MYZAP: variants seen among roughly 807,000 people sequenced by gnomAD.
The protein encoded by MYZAP is GRINL1A complex locus upstream.
A neutral mutation model predicts 69.4 loss-of-function variants in MYZAP; 66 were observed. The observed-to-expected ratio is 0.95, with a 90% CI of 0.78 to 1.17. The LOEUF (loss-of-function observed/expected upper bound fraction) is 1.17, where lower values mean the gene tolerates loss of function less well. Among genes scored for constraint, MYZAP ranks in the 50% most tolerant of loss-of-function variants. The pLI, the probability that MYZAP is intolerant of heterozygous loss-of-function variation, is 0.00. For synonymous variants in MYZAP, 256 were observed against 205.9 expected (o/e 1.24, Z -2.09); for missense variants, 611 against 556.2 (o/e 1.10, Z -0.99).
chr15:57,679,002 C>T (rs1361899793), intron 12 of MYZAP, among the ~76,000 whole-genome samples: 1 of 152,022 alleles, frequency 6.6e-6, no homozygotes, highest in Non-Finnish European at 1.5e-5. Flanking sequence ...CATGGAGAAA[C>T]CCCGTCTCTA....
At chr15:57,645,768 G>C (rs979848172) in intron 10 of MYZAP, among the ~76,000 whole-genome samples, 3 of 152,160 alleles carry the variant, frequency 2.0e-5, no homozygotes, top group Non-Finnish European at 2.9e-5. Context: ...TGGGAGTCTT[G>C]TTGGCCACAT....
At chr15:57,651,447 T>C (rs564386154) in intron 10 of MYZAP, among the ~76,000 whole-genome samples, 62 of 152,284 alleles carry the variant, frequency 4.1e-4, no homozygotes, top group African/African-American at 1.4e-3. Flanking sequence ...AGCAGATCCT[T>C]TGTGACAGAA....
At chr15:57,659,472 T>C (rs1195507442) in intron 10 of MYZAP, among the ~76,000 whole-genome samples, 4 of 152,368 alleles carry the variant, frequency 2.6e-5, no homozygotes, top group African/African-American at 9.6e-5. Context: ...TTTACTTCTT[T>C]GATTTCACAC....
intron 8 of MYZAP, among the ~76,000 whole-genome samples, chr15:57,637,163 A>G (rs1029523881): frequency 1.3e-5 from 2 of 152,206 alleles, no homozygotes; most frequent in Non-Finnish European, 2.9e-5. Flanking sequence ...ACTTAATCAC[A>G]TCTGCAGAAT....
chr15:57,639,238 G>A (rs551146656), intron 9 of MYZAP, among the ~76,000 whole-genome samples: 2 of 150,868 alleles, frequency 1.3e-5, no homozygotes, highest in Non-Finnish European at 2.9e-5. Flanking sequence ...TGGAGATGAG[G>A]GTCTCAGCAT....
chr15:57,662,397 G>A (rs2038356128), intron 11 of MYZAP, among the ~76,000 whole-genome samples: 1 of 152,194 alleles, frequency 6.6e-6, no homozygotes, highest in African/African-American at 2.4e-5. Flanking sequence ...ATTAAGCCCT[G>A]CTGTGTGTTG....
chr15:57,599,619 G>T (rs2034285486), intron 1 of MYZAP: 3 of 1,289,170 alleles, frequency 2.3e-6, no homozygotes, highest in Non-Finnish European at 2.0e-6. Flanking sequence ...TGCCTTTCAG[G>T]CACTGCCAAG....
Position 57,621,715 on chromosome 15 carries a change from C to G in MYZAP, c.411+15C>G, listed in dbSNP as rs755271606. ...AGGAACTATCAGTAAGTCATTATCT[C>G]AGTTGCTTGGAGATAGGGAGGCATG... is the stretch of plus-strand genomic sequence containing the variant. On this transcript the variant is annotated intron_variant, in intron 4 of 12. Transcript: ENST00000267853. 9 of 1,612,746 alleles carry G rather than the reference C, an allele frequency of 5.6e-6. No individual in the cohort carries two copies. In the Admixed American group the frequency reaches 1.5e-4, roughly 27 times the overall value.
chr15:57,623,963 G>T (rs1477360879), intron 4 of MYZAP, among the ~76,000 whole-genome samples: 1 of 152,162 alleles, frequency 6.6e-6, no homozygotes, highest in East Asian at 1.9e-4. Context: ...TGTTCTGTGT[G>T]TGCACAAAAA....
chr15:57,647,768 T>C (rs1390391708), intron 10 of MYZAP: 2 of 985,438 alleles, frequency 2.0e-6, no homozygotes, highest in South Asian at 4.7e-5. Context: ...AGGCTCATTG[T>C]TGATCTTCTT....
intron 11 of MYZAP, among the ~76,000 whole-genome samples, chr15:57,674,337 G>GA (rs1164842545): frequency 3.3e-5 from 5 of 151,982 alleles, no homozygotes; most frequent in Admixed American, 6.5e-5. Context: ...TGGCCCGAAA[G>GA]AAAAAAAACT....
Position 57,591,910 on chromosome 15 carries a change from G to A in MYZAP, c.-125G>A, listed in dbSNP as rs1215591430. On this transcript the variant is annotated 5_prime_UTR_variant, in exon 1 of 13. Transcript: ENST00000267853. Reference sequence around the variant, plus strand: ...CCCGGCCCCACCCCCGGGCCTTCGCGGTGCAGCTGAGGCTGCAAGTAGCCG... The same window carrying A: ...CCCGGCCCCACCCCCGGGCCTTCGCAGTGCAGCTGAGGCTGCAAGTAGCCG... 2.2e-6 allele frequency: 2 copies of A among 897,668 alleles called. No individual in the cohort carries two copies. The highest frequency in any genetic ancestry group is 2.8e-6 in the Non-Finnish European group (2 of 705,332). 55.6% of individuals were successfully genotyped at this position (897,668 alleles called of 1,614,324 possible).
chr15:57,666,779 A>C (rs977561613), intron 11 of MYZAP, among the ~76,000 whole-genome samples: 1 of 152,060 alleles, frequency 6.6e-6, no homozygotes, highest in Admixed American at 6.6e-5. Context: ...CCCACAATAT[A>C]CCTTTGTCAC....
intron 10 of MYZAP, among the ~76,000 whole-genome samples, chr15:57,658,452 T>A (rs922800948): frequency 6.6e-6 from 1 of 152,232 alleles, no homozygotes. Context: ...CCAATCAGCA[T>A]ACACTGTGTT....
intron 10 of MYZAP, among the ~76,000 whole-genome samples, chr15:57,651,701 G>T (rs755346886): frequency 6.6e-6 from 1 of 152,226 alleles, no homozygotes; most frequent in Non-Finnish European, 1.5e-5. Flanking sequence ...CAGTTTCATG[G>T]TCTGGTGGGG....
intron 7 of MYZAP, 107 bp from the exon 8 acceptor site, chr15:57,633,506 A>G (rs1016145157): frequency 6.5e-6 from 9 of 1,385,598 alleles, no homozygotes; most frequent in Non-Finnish European, 8.5e-6. Flanking sequence ...TTCCAAGGTC[A>G]TGTTTTAAAG....
chr15:57,648,694 A>G (rs547922828), intron 10 of MYZAP, among the ~76,000 whole-genome samples: 2 of 152,048 alleles, frequency 1.3e-5, no homozygotes, highest in African/African-American at 4.8e-5. Flanking sequence ...AAAAATTTAA[A>G]TTGCAAAAAG....
chr15:57,674,927 A>G, intron 11 of MYZAP, 41 bp from the exon 12 acceptor site: 1 of 1,551,486 alleles, frequency 6.4e-7, no homozygotes, highest in Non-Finnish European at 8.8e-7. Context: ...GAGGGGGAAC[A>G]TATTTGACTT....
intron 1 of MYZAP, chr15:57,599,782 T>C (rs1288834343): frequency 1.7e-5 from 18 of 1,040,230 alleles, no homozygotes; most frequent in Non-Finnish European, 2.4e-5. Flanking sequence ...TGGAGGGAGG[T>C]AGACTGTACT....
Sources: allele counts gnomAD v4.1 joint callset (sites outside exome capture counted in the v4.1 genomes callset), GRCh38; gene constraint gnomAD v4.1.1; transcripts MANE v1.5; gene names NCBI Gene and HGNC (gene_info 2026-07-23, HGNC 2026-07-21).